TMEM45A: variants seen among roughly 807,000 people sequenced by gnomAD.
The protein encoded by TMEM45A is transmembrane protein 45A, also known as DNA polymerase-transactivated protein 4.
In TMEM45A, 25 loss-of-function variants were observed where a neutral mutation model predicts 32.0. That is an observed-to-expected ratio of 0.78 (90% CI 0.57 to 1.09). The LOEUF (loss-of-function observed/expected upper bound fraction) is 1.09, where lower values mean the gene tolerates loss of function less well. Among genes scored for constraint, TMEM45A ranks in the 50% least tolerant of loss-of-function variants. The pLI is 0.00. For missense variants in TMEM45A, 302 were observed against 325.0 expected, an observed-to-expected ratio of 0.93 and a Z score of 0.54; for synonymous variants, 122 against 114.8, an observed-to-expected ratio of 1.06 and a Z score of -0.40.
chr3:100,530,558 TTA>T (rs1705626429), intron 1 of TMEM45A, among the ~76,000 whole-genome samples: 1 of 152,176 alleles, frequency 6.6e-6, no homozygotes, highest in African/African-American at 2.4e-5. Context: ...AAAAGCTGAG[TTA>T]TGTTTTAACC....
At chr3:100,525,628 T>C (rs1705527963) in intron 1 of TMEM45A, among the ~76,000 whole-genome samples, 2 of 152,198 alleles carry the variant, frequency 1.3e-5, no homozygotes, top group South Asian at 4.1e-4. Flanking sequence ...TGCTGTGCCT[T>C]GAGGGAGGCT....
In TMEM45A at chr3:100,556,774, C is replaced by G. The variant is rs747993000; in HGVS notation, c.205C>G (p.Gln69Glu). 6.2e-7 allele frequency: 1 copy of G among 1,612,814 alleles called. No individual in the cohort carries two copies. Among genetic ancestry groups the G allele is most frequent in the East Asian group, 2.2e-5 (1 of 44,832 alleles). Residue 69 changes from glutamine to glutamate, a missense_variant, in exon 3 of 6, where the codon CAG becomes GAG. By Grantham distance (29) the Gln-to-Glu change is conservative. Transcript: ENST00000323523. ...GMALTGMAGEQFIPGGPHLML... is the reference protein window; with the variant it reads ...GMALTGMAGEEFIPGGPHLML... ...TTTCTTGGCAGGCATGGCTGGGGAGCAGTTTATTCCTGGAGGGCCCCATCT... is the reference window on the plus strand; with the variant it reads ...TTTCTTGGCAGGCATGGCTGGGGAGGAGTTTATTCCTGGAGGGCCCCATCT...
intron 5 of TMEM45A, chr3:100,572,323 T>C (rs1706580897): frequency 6.6e-6 from 1 of 152,028 alleles, no homozygotes; most frequent in Admixed American, 6.6e-5. Context: ...CTCATTGTGG[T>C]TTTGATTTGC....
intron 1 of TMEM45A, among the ~76,000 whole-genome samples, chr3:100,526,534 T>G (rs1056254223): frequency 3.3e-5 from 5 of 152,138 alleles, no homozygotes; most frequent in Non-Finnish European, 7.3e-5. Context: ...TTTCAAGAAG[T>G]CATTTATCTT....
chr3:100,565,873 C>T (rs1048261770), intron 4 of TMEM45A, among the ~76,000 whole-genome samples: 2 of 152,228 alleles, frequency 1.3e-5, no homozygotes, highest in African/African-American at 4.8e-5. Context: ...TCTATCTGTT[C>T]CAAAACATTT....
At chr3:100,496,927 C>T (rs1705356181) in intron 1 of TMEM45A, among the ~76,000 whole-genome samples, 1 of 152,136 alleles carries the variant, frequency 6.6e-6, no homozygotes, top group African/African-American at 2.4e-5. Context: ...GCTTTTGGGG[C>T]ATCTCAGTTT....
chr3:100,511,438 C>A (rs998746713), intron 1 of TMEM45A, among the ~76,000 whole-genome samples: 2 of 151,088 alleles, frequency 1.3e-5, no homozygotes, highest in African/African-American at 2.4e-5. Context: ...GATTTTGTCA[C>A]CACCAGGCCT....
intron 5 of TMEM45A, chr3:100,573,649 G>C (rs1050263102): frequency 8.5e-5 from 13 of 152,048 alleles, no homozygotes; most frequent in Non-Finnish European, 1.6e-4. Flanking sequence ...TTGAATAGGA[G>C]TGGTGAGAGA....
chr3:100,566,470 G>A (rs987226796), intron 4 of TMEM45A, among the ~76,000 whole-genome samples: 1 of 152,240 alleles, frequency 6.6e-6, no homozygotes, highest in East Asian at 1.9e-4. Context: ...TCCTACAAAT[G>A]TCTACCATTT....
intron 1 of TMEM45A, among the ~76,000 whole-genome samples, chr3:100,524,685 A>G (rs1040988867): frequency 3.3e-5 from 5 of 152,150 alleles, no homozygotes; most frequent in African/African-American, 1.2e-4. Flanking sequence ...ATGCTTTCCT[A>G]TGCGCAGGAG....
At chr3:100,508,080 G>A (rs1029167163) in intron 1 of TMEM45A, among the ~76,000 whole-genome samples, 1 of 151,962 alleles carries the variant, frequency 6.6e-6, no homozygotes, top group Non-Finnish European at 1.5e-5. Context: ...ATCGGAGCCA[G>A]GAGAGACTCC....
intron 1 of TMEM45A, among the ~76,000 whole-genome samples, chr3:100,513,369 A>G (rs1219111612): frequency 1.3e-5 from 2 of 151,932 alleles, no homozygotes; most frequent in African/African-American, 4.8e-5. Context: ...AACCAAAGAC[A>G]AAAACCACAT....
chr3:100,563,979 G>A (rs1706380145), intron 4 of TMEM45A, among the ~76,000 whole-genome samples: 1 of 152,190 alleles, frequency 6.6e-6, no homozygotes, highest in Non-Finnish European at 1.5e-5. Context: ...ATATATCCAT[G>A]TTCTAATGCA....
chr3:100,521,480 C>T (rs748092126), intron 1 of TMEM45A, among the ~76,000 whole-genome samples: 4 of 152,064 alleles, frequency 2.6e-5, no homozygotes, highest in South Asian at 4.1e-4. Flanking sequence ...CTCGAGTTCC[C>T]GACCTCAGGT....
intron 1 of TMEM45A, among the ~76,000 whole-genome samples, chr3:100,554,763 T>G (rs1706178635): frequency 6.6e-6 from 1 of 152,234 alleles, no homozygotes; most frequent in Non-Finnish European, 1.5e-5. Flanking sequence ...GAAGGGCCAC[T>G]GTATGGCGAA....
intron 1 of TMEM45A, among the ~76,000 whole-genome samples, chr3:100,529,274 G>A (rs1705604306): frequency 1.3e-5 from 2 of 152,212 alleles, no homozygotes. Flanking sequence ...GAGAAACACT[G>A]CTTTACCTCA....
chr3:100,509,934 G>A (rs1289128807), intron 1 of TMEM45A, among the ~76,000 whole-genome samples: 1 of 152,216 alleles, frequency 6.6e-6, no homozygotes, highest in East Asian at 1.9e-4. Context: ...GGCGCACCAG[G>A]AGATTATATC....
rs145195369 is a variant in TMEM45A at position 100,543,013 on chromosome 3, C to T, written c.-3-12196C>T. On this transcript the variant is annotated intron_variant, in intron 1 of 5. Coordinates refer to ENST00000323523, the MANE Select transcript of TMEM45A (RefSeq NM_018004.3). ...GCACTATACCCAGGTAACAAAGCTC[C>T]ACATGTATCCACTGAATCATATATC... Among the ~76,000 whole-genome samples, 11 of 152,244 alleles carry T rather than the reference C, an allele frequency of 7.2e-5. 1 individual carries two copies. Among genetic ancestry groups the T allele is most frequent in the South Asian group, 4.2e-4 (2 of 4,818 alleles).
chr3:100,519,678 A>G (rs1442410269), intron 1 of TMEM45A: 3 of 1,466,848 alleles, frequency 2.0e-6, no homozygotes, highest in Non-Finnish European at 2.8e-6. Flanking sequence ...TTGATTCATA[A>G]AGACCTAGTT....
Sources: gnomAD v4.1 joint callset for allele counts (sites outside exome capture counted in the v4.1 genomes callset) on GRCh38, gnomAD v4.1.1 for gene constraint, MANE v1.5 for transcripts, NCBI Gene and HGNC (gene_info 2026-07-23, HGNC 2026-07-21) for gene names.